The following PCDH19 variants were observed in gnomAD, a reference collection of about 807,000 sequenced individuals.
The protein encoded by PCDH19 is protocadherin-19.
A neutral mutation model predicts 46.2 loss-of-function variants in PCDH19; 6 were observed. The observed-to-expected ratio is 0.13, with a 90% confidence interval of 0.07 to 0.26. The LOEUF (loss-of-function observed/expected upper bound fraction) is 0.26. PCDH19 is among the 10% of genes least tolerant of loss of function. The pLI is 1.00. For missense variants in PCDH19, 740 were observed against 972.3 expected (o/e 0.76, Z 3.18); for synonymous variants, 481 against 415.7 (o/e 1.16, Z -1.91).
At chrX:100,389,398 A>G (rs755346557) in intron 3 of PCDH19, among the ~76,000 whole-genome samples, 7 of 104,323 alleles carry the variant, frequency 6.7e-5, no homozygotes, top group South Asian at 4.1e-4. Flanking sequence ...TGGGTGGGGG[A>G]AATAGGAAGA....
chrX:100,339,225 C>T (rs1926183920), intron 5 of PCDH19, among the ~76,000 whole-genome samples: 1 of 112,091 alleles, frequency 8.9e-6, no homozygotes, highest in Non-Finnish European at 1.9e-5. Context: ...TCTGGAACTC[C>T]AAGAATTTCA....
At chrX:100,402,027 A>G (rs1238141905) in intron 3 of PCDH19, among the ~76,000 whole-genome samples, 1 of 112,420 alleles carries the variant, frequency 8.9e-6, no homozygotes, top group African/African-American at 3.2e-5. Flanking sequence ...TAACCAGCCT[A>G]TCCATATTCT....
chrX:100,372,811 A>G (rs1443200340), intron 3 of PCDH19, among the ~76,000 whole-genome samples: 2 of 112,205 alleles, frequency 1.8e-5, no homozygotes, highest in Non-Finnish European at 3.8e-5. Context: ...AGTCCTGTTT[A>G]TGTGTGATCT....
At chrX:100,297,015 A>G in intron 5 of PCDH19, 140 bp from the exon 6 acceptor site, 2 of 545,271 alleles carry the variant, frequency 3.7e-6, no homozygotes, top group Non-Finnish European at 6.2e-6. Flanking sequence ...GCCTTTTGGG[A>G]CAAGTGTGAA....
chrX:100,370,890 TTCATTA>T (rs1927195981), intron 3 of PCDH19, among the ~76,000 whole-genome samples: 1 of 108,802 alleles, frequency 9.2e-6, no homozygotes, highest in African/African-American at 3.5e-5. Flanking sequence ...AGCCATTACC[TTCATTA>T]ACATTTTCCC....
At chrX:100,302,059 G>C (rs5966691) in intron 5 of PCDH19, among the ~76,000 whole-genome samples, 32,416 of 110,025 alleles carry the variant, frequency 0.29, 3,719 homozygotes, top group Non-Finnish European at 0.35. Flanking sequence ...GTCCTGTCTG[G>C]AATGGAGACA....
intron 5 of PCDH19, among the ~76,000 whole-genome samples, chrX:100,331,726 G>A (rs1166244257): frequency 9.0e-6 from 1 of 111,559 alleles, no homozygotes; most frequent in African/African-American, 3.3e-5. Context: ...TGGTTTTAAA[G>A]TATAGCACTT....
At chrX:100,382,781 C>T (rs1194423698) in intron 3 of PCDH19, among the ~76,000 whole-genome samples, 1 of 112,084 alleles carries the variant, frequency 8.9e-6, no homozygotes, top group Non-Finnish European at 1.9e-5. Flanking sequence ...CAGAAGAGGG[C>T]TTCTGGCTCT....
intron 3 of PCDH19, among the ~76,000 whole-genome samples, chrX:100,374,571 T>C (rs1055025108): frequency 4.5e-5 from 5 of 111,993 alleles, no homozygotes; most frequent in Non-Finnish European, 9.4e-5. Context: ...ATAAGATACA[T>C]TGTAACTCAT....
Position 100,296,465 on chromosome X carries a change from G to A in PCDH19, c.3259C>T (p.Leu1087=), listed in dbSNP as rs373432764. 4.1e-6 allele frequency: 5 copies of A among 1,209,355 alleles called. No individual in the cohort carries two copies. The East Asian group carries it at 1.5e-4, about 36-fold the overall frequency. ...TCCAGATCACGGGCTGGGGGAGCCA[G>A]GGCAATGGTGTAAGACACGGAAGGC... ...TKPSVSYTIA[L]APPARDLEQY... The change falls in exon 6 of 6, where the codon CTG becomes TTG. Residue 1087 remains leucine, a synonymous_variant. Coordinates refer to ENST00000373034, the MANE Select transcript of PCDH19 (RefSeq NM_001184880.2).
intron 5 of PCDH19, among the ~76,000 whole-genome samples, chrX:100,316,927 TTTC>T (rs1373418142): frequency 3.6e-5 from 4 of 112,175 alleles, no homozygotes; most frequent in Non-Finnish European, 7.5e-5. Flanking sequence ...TATTGGATTT[TTTC>T]TTGTCATATT....
At chrX:100,320,804 T>C (rs1925453706) in intron 5 of PCDH19, among the ~76,000 whole-genome samples, 1 of 107,278 alleles carries the variant, frequency 9.3e-6, no homozygotes, top group Non-Finnish European at 1.9e-5. Flanking sequence ...TTTTTTCCCA[T>C]AAGTGATTGG....
At chrX:100,360,380 T>C (rs1308769736) in intron 3 of PCDH19, among the ~76,000 whole-genome samples, 1 of 112,412 alleles carries the variant, frequency 8.9e-6, no homozygotes, top group African/African-American at 3.2e-5. Context: ...CTAATATTGA[T>C]GTTTTCTAAT....
At chrX:100,297,193 TCAA>T (rs1251721313) in intron 5 of PCDH19, among the ~76,000 whole-genome samples, 1 of 111,688 alleles carries the variant, frequency 9.0e-6, no homozygotes, top group African/African-American at 3.3e-5. Flanking sequence ...AGCATTTTAA[TCAA>T]CAACTCCTGC....
intron 3 of PCDH19, among the ~76,000 whole-genome samples, chrX:100,384,881 G>A (rs932904800): frequency 4.5e-5 from 5 of 111,494 alleles, no homozygotes; most frequent in African/African-American, 6.5e-5. Context: ...CTCCCAGGCC[G>A]GGCCCGGTGG....
intron 3 of PCDH19, among the ~76,000 whole-genome samples, chrX:100,351,959 C>T (rs928258880): frequency 1.8e-5 from 2 of 111,862 alleles, no homozygotes; most frequent in Non-Finnish European, 3.8e-5. Flanking sequence ...GGAAGGGGGA[C>T]GGTGAATGTG....
In PCDH19 at chrX:100,408,753, G is replaced by T; in HGVS notation, c.-156C>A. On this transcript the variant is annotated 5_prime_UTR_variant, in exon 1 of 6. Transcript: ENST00000373034. ...GTCCCGCCCAGGGCGGCCCGGCGGC[G>T]CGCGGGGGACACCCGCGGCGGCTCC... 3.6e-6 allele frequency: 1 copy of T among 281,555 alleles called. No individual in the cohort carries two copies. Among genetic ancestry groups the T allele is most frequent in the Non-Finnish European group, 5.8e-6 (1 of 173,151 alleles). The allele number at this position is 281,555 out of a possible 1,213,427, so 23.2% of individuals were successfully genotyped here. A position where few individuals can be genotyped will look rare whatever the true frequency, so the allele number is the denominator to read the frequency against.
At chrX:100,314,599 G>A (rs1017622905) in intron 5 of PCDH19, among the ~76,000 whole-genome samples, 1 of 111,674 alleles carries the variant, frequency 9.0e-6, no homozygotes, top group Non-Finnish European at 1.9e-5. Context: ...ACTCTCCTGA[G>A]AGGAAATATT....
At chrX:100,318,272 C>G (rs1925371055) in intron 5 of PCDH19, among the ~76,000 whole-genome samples, 1 of 112,017 alleles carries the variant, frequency 8.9e-6, no homozygotes, top group Non-Finnish European at 1.9e-5. Flanking sequence ...TAAGTCAGGA[C>G]TAATAGCACT....
Sources: allele counts gnomAD v4.1 joint callset (sites outside exome capture counted in the v4.1 genomes callset), GRCh38; gene constraint gnomAD v4.1.1; transcripts MANE v1.5; gene names NCBI Gene and HGNC (gene_info 2026-07-23, HGNC 2026-07-21).